Variants in PKHD1 observed in about 807,000 individuals in gnomAD.
PKHD1 encodes the protein PKHD1 ciliary IPT domain containing fibrocystin/polyductin, also known as fibrocystin.
PKHD1 carries 291 observed loss-of-function variants against 412.0 expected under a neutral mutation model. The observed-to-expected ratio is 0.71, with a 90% confidence interval of 0.64 to 0.78. The LOEUF (loss-of-function observed/expected upper bound fraction) is 0.78, where lower values mean the gene tolerates loss of function less well. PKHD1 is among the 30% of genes least tolerant of loss of function. PKHD1 has a pLI of 0.00. For synonymous variants in PKHD1, 1,777 were observed against 1,821.5 expected (o/e 0.98, Z 0.62); for missense variants, 4,825 against 4,950.7 (o/e 0.97, Z 0.76).
Position 51,627,035 on chromosome 6 carries a change from G to A in PKHD1, c.11747C>T (p.Ser3916Leu). 1 of 1,613,428 alleles carries A rather than the reference G, an allele frequency of 6.2e-7. No homozygotes were observed. The highest frequency in any genetic ancestry group is 8.5e-7 in the Non-Finnish European group (1 of 1,179,488). ...AGTGTCTTCTTTTTTGGGCCCTTGT[G>A]ATTCTCGGCGTTTGGATGAGATGTG... The part of the protein sequence containing the change: ...HIHISSKRRE[S>L]QGPKKEDTVV... Residue 3916 changes from serine to leucine, a missense_variant, in exon 66 of 67, where the codon TCA becomes TTA. By Grantham distance (145) the Ser-to-Leu change is moderately radical (BLOSUM62 -2). Transcript: ENST00000371117.
chr6:51,790,973 T>TA (rs1793641330), intron 53 of PKHD1, among the ~76,000 whole-genome samples: 1 of 151,720 alleles, frequency 6.6e-6, no homozygotes, highest in South Asian at 2.1e-4. Flanking sequence ...CTGGAGGAGG[T>TA]AAAAAATCAC....
chr6:51,838,240 A>G (rs1261630118), intron 50 of PKHD1, among the ~76,000 whole-genome samples: 1 of 152,206 alleles, frequency 6.6e-6, no homozygotes, highest in African/African-American at 2.4e-5. Flanking sequence ...TTGTCTTCAA[A>G]TTTTTGAGAG....
chr6:51,913,884 G>A (rs911509914), intron 37 of PKHD1, among the ~76,000 whole-genome samples: 3 of 152,014 alleles, frequency 2.0e-5, no homozygotes, highest in Non-Finnish European at 4.4e-5. Flanking sequence ...TAAGGCAGGT[G>A]AAAATTAAGA....
intron 19 of PKHD1, among the ~76,000 whole-genome samples, chr6:52,054,487 G>A (rs558019692): frequency 6.6e-6 from 1 of 152,096 alleles, no homozygotes; most frequent in Admixed American, 6.5e-5. Context: ...GAAAACCCCT[G>A]TTCTAACCCA....
At position 52,008,775 on chromosome 6, in the gene PKHD1, G is replaced by C. The variant is rs1864386; in HGVS notation, c.5751+1534C>G. On this transcript the variant is annotated intron_variant, in intron 35 of 66. Coordinates refer to ENST00000371117, the MANE Select transcript of PKHD1 (RefSeq NM_138694.4). Reference sequence around the variant, plus strand: ...CTATTATTGACCCTACTTTACAGATGAGAAAACTGAAGTACAGAGGGTTTA... The same window carrying C: ...CTATTATTGACCCTACTTTACAGATCAGAAAACTGAAGTACAGAGGGTTTA... Among the ~76,000 whole-genome samples, 1,185 of 152,214 alleles carry C rather than the reference G, an allele frequency of 7.8e-3. 9 individuals carry two copies. The highest frequency in any genetic ancestry group is 0.013 in the Non-Finnish European group (867 of 68,020).
intron 60 of PKHD1, among the ~76,000 whole-genome samples, chr6:51,699,920 A>AGTGTGTATGTGTGTGTGT (rs57760395): frequency 0.18 from 24,171 of 137,692 alleles, 2,867 homozygotes; most frequent in Admixed American, 0.28. Flanking sequence ...ATATATATGG[A>AGTGTGTATGTGTGTGTGT]GTGTGTGTGT....
chr6:51,899,744 A>G (rs1054942701), intron 43 of PKHD1, among the ~76,000 whole-genome samples: 5 of 152,374 alleles, frequency 3.3e-5, no homozygotes, highest in Admixed American at 3.3e-4. Flanking sequence ...TTTACAGAAG[A>G]CATGATTGTA....
chr6:52,046,116 C>G lies in PKHD1; in HGVS notation c.2480G>C (p.Arg827Thr). 6.2e-7 allele frequency: 1 copy of G among 1,613,434 alleles called. No homozygotes were observed. The highest frequency in any genetic ancestry group is 8.5e-7 in the Non-Finnish European group (1 of 1,179,422). The change falls in exon 24 of 67, where the codon AGG (arginine) becomes ACG (threonine). Residue 827 changes from arginine (R) to threonine (T), a missense_variant. Coordinates refer to ENST00000371117, the MANE Select transcript of PKHD1 (RefSeq NM_138694.4). ...LQNNADDFTS[R>T]YLNASDFTVK... Reference sequence around the variant, plus strand: ...AGTGAAGTCACTGGCATTGAGGTACCTGGATGTGAAGTCATCGGCATTATT... The same window carrying G: ...AGTGAAGTCACTGGCATTGAGGTACGTGGATGTGAAGTCATCGGCATTATT...
chr6:51,697,519 G>T (rs561338322), intron 60 of PKHD1, among the ~76,000 whole-genome samples: 13 of 152,308 alleles, frequency 8.5e-5, no homozygotes, highest in African/African-American at 2.2e-4. Flanking sequence ...ATTGTATGAG[G>T]CTGTTCTGTA....
At chr6:51,779,038 T>TTGA (rs1409452537) in intron 53 of PKHD1, among the ~76,000 whole-genome samples, 1 of 152,150 alleles carries the variant, frequency 6.6e-6, no homozygotes, top group African/African-American at 2.4e-5. Context: ...TCTGTACCCC[T>TTGA]TGCTAAAGTA....
chr6:51,836,372 T>C, intron 51 of PKHD1, 32 bp downstream of exon 51: 3 of 1,420,090 alleles, frequency 2.1e-6, no homozygotes, highest in Non-Finnish European at 3.0e-6. Flanking sequence ...TCTGCCATAC[T>C]AGACACTTCT....
chr6:51,649,173 T>C lies in PKHD1; in HGVS notation c.11222A>G (p.Tyr3741Cys), dbSNP rs745480517. ...AGGCTGGACTAGGATGGAAAGTGCA[T>C]AGGGCCGAATATATATCAAGTTCCC... The part of the protein sequence containing the change: ...KTGNLIYIRP[Y>C]ALSILVQPSD... The change falls in exon 62 of 67, where the codon TAT (tyrosine) becomes TGT (cysteine). Residue 3741 changes from tyrosine to cysteine, a missense_variant. Physicochemically the swap from Tyr to Cys is radical, Grantham distance 194. Transcript: ENST00000371117. 5.6e-6 allele frequency: 9 copies of C among 1,612,108 alleles called. No individual in the cohort carries two copies. The East Asian group carries it at 1.3e-4, about 24-fold the overall frequency.
chr6:52,033,400 C>CTTGGACT (rs1803389725), intron 28 of PKHD1, among the ~76,000 whole-genome samples: 1 of 152,084 alleles, frequency 6.6e-6, no homozygotes, highest in Non-Finnish European at 1.5e-5. Flanking sequence ...TAGGCAAGTG[C>CTTGGACT]AGTGTTAGAT....
At chr6:52,083,629 C>A (rs1253514524) in intron 2 of PKHD1, among the ~76,000 whole-genome samples, 1 of 152,182 alleles carries the variant, frequency 6.6e-6, no homozygotes, top group Non-Finnish European at 1.5e-5. Flanking sequence ...CATACTGTCT[C>A]TCTCTGCTCT....
chr6:52,044,982 G>C lies in PKHD1; in HGVS notation c.2699C>G (p.Ala900Gly). 1 of 1,613,520 alleles carries C rather than the reference G, an allele frequency of 6.2e-7. No homozygotes were observed. Among genetic ancestry groups the C allele is most frequent in the Non-Finnish European group, 8.5e-7 (1 of 1,179,548 alleles). The change falls in exon 25 of 67, where the codon GCC becomes GGC. Residue 900 changes from alanine to glycine, a missense_variant. Coordinates refer to ENST00000371117, the MANE Select transcript of PKHD1 (RefSeq NM_138694.4). ...GPIFGDMLAT[A>G]NQHTQVVVRV... is the part of the protein sequence containing the mutation. ...CACTCTCACCTGAGTATGCTGGTTGGCAGTAGCCAACATGTCTCCAAATAT... is the reference window on the plus strand; with the variant it reads ...CACTCTCACCTGAGTATGCTGGTTGCCAGTAGCCAACATGTCTCCAAATAT...
At position 51,619,373 on chromosome 6, in the gene PKHD1, T is replaced by C. The variant is rs1271073556; in HGVS notation, c.11933A>G (p.His3978Arg). The change falls in exon 67 of 67, where the codon CAT (histidine) becomes CGT (arginine). Residue 3978 changes from histidine to arginine, a missense_variant. His to Arg is a conservative substitution (Grantham distance 29). Transcript: ENST00000371117. The part of the protein sequence containing the change: ...PAPGTTGITS[H>R]GHICAPGAPA... The stretch of plus-strand genomic sequence containing the variant: ...AGCACCTGGAGCACAGATGTGCCCA[T>C]GGGATGTGATGCCAGTAGTACCAGG... 1.2e-6 allele frequency: 2 copies of C among 1,613,980 alleles called. No individual in the cohort carries two copies. The highest frequency in any genetic ancestry group is 1.1e-5 in the South Asian group (1 of 91,084).
intron 36 of PKHD1, among the ~76,000 whole-genome samples, chr6:51,937,082 A>G (rs1787622258): frequency 1.3e-5 from 2 of 152,194 alleles, no homozygotes; most frequent in South Asian, 2.1e-4. Flanking sequence ...CTTCATCTGC[A>G]TAATAAGAAC....
At position 51,855,973 on chromosome 6, in the gene PKHD1, G is replaced by T. The variant is rs766115289; in HGVS notation, c.7831C>A (p.Arg2611Ser). 2.4e-5 allele frequency: 38 copies of T among 1,612,514 alleles called. No individual in the cohort carries two copies. The highest frequency in any genetic ancestry group is 3.2e-5 in the Non-Finnish European group (38 of 1,178,504). Reference protein sequence around the residue: ...NYVRDTLSNPRGWMALLLDQE... With the variant: ...NYVRDTLSNPSGWMALLLDQE... ...TCCAAGAGCAGAGCCATCCAGCCAC[G>T]AGGGTTAGACAATGTATCACGTACA... Residue 2611 changes from arginine to serine, a missense_variant, in exon 49 of 67, where the codon CGT becomes AGT. Physicochemically the swap from Arg to Ser is moderately radical, Grantham distance 110. Transcript: ENST00000371117.
chr6:51,896,972 A>G (rs1422439964), intron 43 of PKHD1, among the ~76,000 whole-genome samples: 1 of 151,906 alleles, frequency 6.6e-6, no homozygotes, highest in African/African-American at 2.4e-5. Context: ...AAAAAAGAAT[A>G]AAAAGAAATG....
Sources: allele counts gnomAD v4.1 joint callset (sites outside exome capture counted in the v4.1 genomes callset), GRCh38; gene constraint gnomAD v4.1.1; transcripts MANE v1.5; gene names NCBI Gene and HGNC (gene_info 2026-07-23, HGNC 2026-07-21).